Variants in TYW1B observed in about 807,000 individuals in gnomAD.
The protein encoded by TYW1B is S-adenosyl-L-methionine-dependent tRNA 4-demethylwyosine synthase TYW1B.
A neutral mutation model predicts 86.9 loss-of-function variants in TYW1B; 73 were observed. That is an observed-to-expected ratio of 0.84 (90% confidence interval 0.70 to 1.02). The LOEUF is 1.02. Ranked by LOEUF, TYW1B falls within the 50% of genes least tolerant of loss-of-function variation. TYW1B has a pLI of 0.00. For missense variants in TYW1B, 637 were observed against 827.4 expected (o/e 0.77, Z 2.82); for synonymous variants, 248 against 292.8 (o/e 0.85, Z 1.56).
At chr7:72,728,295 C>T (rs1177156481) in intron 9 of TYW1B, among the ~76,000 whole-genome samples, 14 of 152,126 alleles carry the variant, frequency 9.2e-5, no homozygotes, top group African/African-American at 3.4e-4. Flanking sequence ...TTATAAGTTG[C>T]TAAACTTTTT....
At chr7:72,727,707 G>A (rs1787025590) in intron 9 of TYW1B, among the ~76,000 whole-genome samples, 1 of 150,628 alleles carries the variant, frequency 6.6e-6, no homozygotes, top group South Asian at 2.1e-4. Flanking sequence ...TACTCAGGAG[G>A]TAAGGCTGAG....
At chr7:72,705,852 C>T (rs1386941555) in intron 10 of TYW1B, among the ~76,000 whole-genome samples, 4 of 152,108 alleles carry the variant, frequency 2.6e-5, no homozygotes, top group Non-Finnish European at 5.9e-5. Flanking sequence ...CAACACGATG[C>T]CATACAGAGA....
chr7:72,729,883 C>T (rs1249670470), intron 8 of TYW1B, among the ~76,000 whole-genome samples: 4 of 152,114 alleles, frequency 2.6e-5, no homozygotes, highest in East Asian at 1.9e-4. Flanking sequence ...CCAGCAACAC[C>T]GACCCTAGCA....
intron 11 of TYW1B, among the ~76,000 whole-genome samples, chr7:72,657,945 G>T (rs1454023462): frequency 6.6e-6 from 1 of 152,128 alleles, no homozygotes; most frequent in Non-Finnish European, 1.5e-5. Context: ...ACAGACAAAT[G>T]GAAGTAACTA....
At chr7:72,609,573 A>T (rs1227395270) in intron 13 of TYW1B, among the ~76,000 whole-genome samples, 1 of 151,956 alleles carries the variant, frequency 6.6e-6, no homozygotes, top group Admixed American at 6.6e-5. Flanking sequence ...CCAAAATAAA[A>T]AAAAATAAAT....
intron 13 of TYW1B, among the ~76,000 whole-genome samples, chr7:72,579,937 C>T (rs1811112824): frequency 6.6e-6 from 1 of 152,312 alleles, no homozygotes; most frequent in Admixed American, 6.5e-5. Flanking sequence ...AGGCATGAGC[C>T]ACCGCACCCA....
rs374109550 is a variant in TYW1B, at chr7:72,744,613, A to G, written c.965-12T>C. On this transcript the variant is annotated splice_polypyrimidine_tract_variant and intron_variant, in intron 7 of 13. Coordinates refer to ENST00000620995, the MANE Select transcript of TYW1B (RefSeq NM_001145440.3). Reference sequence around the variant, plus strand: ...CCTCGGAGCATCGACTATGACAAGTAAACAAATCACAATTTGAATAAAATC... The same window carrying G: ...CCTCGGAGCATCGACTATGACAAGTGAACAAATCACAATTTGAATAAAATC... 2.4e-4 allele frequency: 380 copies of G among 1,613,472 alleles called. 1 individual carries two copies. In the African/African-American group the frequency reaches 3.9e-3, roughly 17 times the overall value.
At chr7:72,576,724 G>C (rs1310201959) in intron 13 of TYW1B, among the ~76,000 whole-genome samples, 1 of 151,988 alleles carries the variant, frequency 6.6e-6, no homozygotes, top group Non-Finnish European at 1.5e-5. Context: ...GTGTTAGCCA[G>C]GATGGTCTCG....
chr7:72,627,372 C>T lies in TYW1B; in HGVS notation c.1617+1515G>A, dbSNP rs571015886. ...CTGAGGGAGGAGAATCGCTTGAACC[C>T]GGGAGGCGGAGGTTTCAGTGAGCCG... On this transcript the variant is annotated intron_variant, in intron 12 of 13. Coordinates refer to ENST00000620995, the MANE Select transcript of TYW1B (RefSeq NM_001145440.3). Among the ~76,000 whole-genome samples the T allele has an allele frequency of 3.0e-3, 450 of 151,874 alleles. 2 individuals carry two copies. The highest frequency in any genetic ancestry group is 0.01 in the African/African-American group (432 of 41,450).
At chr7:72,579,476 T>C (rs1486830641) in intron 13 of TYW1B, among the ~76,000 whole-genome samples, 1 of 152,106 alleles carries the variant, frequency 6.6e-6, no homozygotes, top group African/African-American at 2.4e-5. Context: ...CAACAGAAAA[T>C]TCTTTTCTCA....
chr7:72,799,488 C>CG (rs1479804079), intron 6 of TYW1B, among the ~76,000 whole-genome samples: 1 of 148,058 alleles, frequency 6.8e-6, no homozygotes, highest in African/African-American at 2.5e-5. Context: ...TCTTTTGAGA[C>CG]GGAGTCTCGC....
At chr7:72,614,976 A>G (rs1293139448) in intron 13 of TYW1B, among the ~76,000 whole-genome samples, 3 of 152,170 alleles carry the variant, frequency 2.0e-5, no homozygotes, top group African/African-American at 4.8e-5. Context: ...CATTCATTAC[A>G]CTACAGAAAG....
At chr7:72,759,129 G>A (rs1554466763) in intron 7 of TYW1B, among the ~76,000 whole-genome samples, 2 of 152,118 alleles carry the variant, frequency 1.3e-5, no homozygotes, top group Admixed American at 6.6e-5. Flanking sequence ...TCAGGAGTTC[G>A]AGACCAGCCT....
intron 11 of TYW1B, among the ~76,000 whole-genome samples, chr7:72,685,042 G>A (rs1478251822): frequency 6.6e-6 from 1 of 151,600 alleles, no homozygotes; most frequent in African/African-American, 2.4e-5. Flanking sequence ...AACCTGGGAG[G>A]CGGAGGTTGC....
chr7:72,816,862 C>CA (rs1373415088), intron 2 of TYW1B, among the ~76,000 whole-genome samples: 2 of 152,200 alleles, frequency 1.3e-5, no homozygotes, highest in African/African-American at 4.8e-5. Flanking sequence ...TGCTCAACCC[C>CA]CACCCCTCCA....
chr7:72,710,464 C>A (rs1472251768), intron 10 of TYW1B, among the ~76,000 whole-genome samples: 1 of 152,132 alleles, frequency 6.6e-6, no homozygotes, highest in African/African-American at 2.4e-5. Context: ...ATCTTTATGA[C>A]AATACACTGA....
intron 13 of TYW1B, among the ~76,000 whole-genome samples, chr7:72,607,602 G>C (rs1254136325): frequency 1.3e-5 from 2 of 151,892 alleles, no homozygotes; most frequent in Non-Finnish European, 2.9e-5. Flanking sequence ...TGGTTCAACA[G>C]AATGGAAGAG....
intron 6 of TYW1B, among the ~76,000 whole-genome samples, chr7:72,789,428 G>A (rs1788182518): frequency 6.6e-6 from 1 of 152,162 alleles, no homozygotes; most frequent in Non-Finnish European, 1.5e-5. Flanking sequence ...GAGCCACCAA[G>A]CCCGGCCCGA....
intron 7 of TYW1B, among the ~76,000 whole-genome samples, chr7:72,771,865 T>C (rs1477567096): frequency 6.6e-6 from 1 of 151,472 alleles, no homozygotes; most frequent in East Asian, 1.9e-4. Context: ...TTTTTTTTTT[T>C]AAAGACAGTC....
Sources: allele counts gnomAD v4.1 joint callset (sites outside exome capture counted in the v4.1 genomes callset), GRCh38; gene constraint gnomAD v4.1.1; transcripts MANE v1.5; gene names NCBI Gene and HGNC (gene_info 2026-07-23, HGNC 2026-07-21).